The following KCNK2 variants were observed in gnomAD, a reference collection of about 807,000 sequenced individuals.
The protein encoded by KCNK2 is potassium two pore domain channel subfamily K member 2.
A neutral mutation model predicts 40.5 loss-of-function variants in KCNK2; 21 were observed. The ratio of observed to expected loss-of-function variants is 0.52; its 90% CI spans 0.37 to 0.75. The LOEUF is 0.75. Ranked by LOEUF, KCNK2 falls within the 30% of genes least tolerant of loss-of-function variation. The probability of loss-of-function intolerance (pLI) is 0.00; values close to 1 mark genes in which losing one functional copy is unlikely to be tolerated. For missense variants in KCNK2, 399 were observed against 531.6 expected (o/e 0.75, Z 2.45); for synonymous variants, 191 against 202.2 (o/e 0.94, Z 0.47).
intron 3 of KCNK2, among the ~76,000 whole-genome samples, chr1:215,138,519 G>A (rs565949526): frequency 6.6e-6 from 1 of 152,024 alleles, no homozygotes; most frequent in Non-Finnish European, 1.5e-5. Context: ...CCATCACTTC[G>A]GGAGGCCAAG....
At chr1:215,189,555 G>A (rs1412487150) in intron 5 of KCNK2, among the ~76,000 whole-genome samples, 1 of 152,156 alleles carries the variant, frequency 6.6e-6, no homozygotes, top group Non-Finnish European at 1.5e-5. Context: ...ACAGGGACAC[G>A]GACAACTTCT....
intron 3 of KCNK2, among the ~76,000 whole-genome samples, chr1:215,161,724 G>T (rs1053785828): frequency 1.3e-5 from 2 of 152,192 alleles, no homozygotes; most frequent in South Asian, 2.1e-4. Context: ...ATGGTTTCTA[G>T]CTTCATCCAT....
intron 6 of KCNK2, among the ~76,000 whole-genome samples, chr1:215,224,133 T>A (rs1306330939): frequency 1.3e-5 from 2 of 152,164 alleles, no homozygotes; most frequent in African/African-American, 4.8e-5. Context: ...CTGAGTTTTA[T>A]GGAAAACAGG....
intron 3 of KCNK2, among the ~76,000 whole-genome samples, chr1:215,127,769 T>G (rs1286559862): frequency 6.6e-6 from 1 of 152,198 alleles, no homozygotes; most frequent in East Asian, 1.9e-4. Flanking sequence ...CTGATACATA[T>G]TGGGTGCATA....
chr1:215,104,291 T>G (rs1660341853), intron 2 of KCNK2, among the ~76,000 whole-genome samples: 1 of 152,018 alleles, frequency 6.6e-6, no homozygotes, highest in Non-Finnish European at 1.5e-5. Flanking sequence ...TGACTTCTGG[T>G]TTTTCAAACT....
At chr1:215,006,469 A>T (rs1450699982) in intron 1 of KCNK2, among the ~76,000 whole-genome samples, 2 of 152,172 alleles carry the variant, frequency 1.3e-5, no homozygotes. Flanking sequence ...CGATAGTTTA[A>T]ACTAAATCTT....
chr1:215,219,767 A>G (rs990602880), intron 6 of KCNK2, among the ~76,000 whole-genome samples: 1 of 152,156 alleles, frequency 6.6e-6, no homozygotes, highest in Non-Finnish European at 1.5e-5. Flanking sequence ...ATACAGACTC[A>G]TGGGTTTCTG....
At chr1:215,068,933 A>G (rs1275977389) in intron 1 of KCNK2, among the ~76,000 whole-genome samples, 1 of 152,222 alleles carries the variant, frequency 6.6e-6, no homozygotes, top group Admixed American at 6.5e-5. Context: ...GTTTGTGGAA[A>G]AGTTTTATCA....
At chr1:215,039,727 C>T (rs1271488696) in intron 1 of KCNK2, among the ~76,000 whole-genome samples, 6 of 152,112 alleles carry the variant, frequency 3.9e-5, no homozygotes, top group Non-Finnish European at 8.8e-5. Context: ...GTGCTTTTCT[C>T]AATTCAGACT....
chr1:215,171,972 A>T, intron 4 of KCNK2, 25 bp from the exon 5 acceptor site: 1 of 1,543,314 alleles, frequency 6.5e-7, no homozygotes, highest in Non-Finnish European at 8.9e-7. Flanking sequence ...ATATATATAC[A>T]CACACCTTTC....
intron 2 of KCNK2, among the ~76,000 whole-genome samples, chr1:215,118,302 T>G (rs987213607): frequency 1.3e-5 from 2 of 152,148 alleles, no homozygotes; most frequent in African/African-American, 4.8e-5. Flanking sequence ...CTGTGTATTA[T>G]TGATGGGTGA....
intron 1 of KCNK2, among the ~76,000 whole-genome samples, chr1:215,034,749 G>A (rs1448060309): frequency 6.6e-6 from 1 of 152,062 alleles, no homozygotes; most frequent in Admixed American, 6.6e-5. Context: ...CTGTTTCATT[G>A]ATCTATTTTT....
chr1:215,125,231 T>C (rs1355653791), intron 3 of KCNK2, among the ~76,000 whole-genome samples: 1 of 152,174 alleles, frequency 6.6e-6, no homozygotes, highest in Non-Finnish European at 1.5e-5. Flanking sequence ...TTTTTTTATA[T>C]ACATTATATT....
chr1:215,008,317 G>T (rs1656258771), intron 1 of KCNK2, among the ~76,000 whole-genome samples: 1 of 151,834 alleles, frequency 6.6e-6, no homozygotes, highest in Admixed American at 6.6e-5. Flanking sequence ...TTTTTTTCTG[G>T]TTACTTGTTT....
In KCNK2 at chr1:215,152,282, T is replaced by C. The variant is rs1425914448; in HGVS notation, c.476-16917T>C. Reference sequence around the variant, plus strand: ...TAAATTATGATGGAGGTAGAGAAAATGAGACATATGGCACTACCAGAAAAT... The same window carrying C: ...TAAATTATGATGGAGGTAGAGAAAACGAGACATATGGCACTACCAGAAAAT... On this transcript the variant is annotated intron_variant, in intron 3 of 6. Coordinates refer to ENST00000444842, the MANE Select transcript of KCNK2 (RefSeq NM_001017425.3). Among the ~76,000 whole-genome samples the C allele has an allele frequency of 2.0e-5, 3 of 152,024 alleles. No homozygotes were observed. In the East Asian group the frequency reaches 5.8e-4, roughly 29 times the overall value.
intron 2 of KCNK2, among the ~76,000 whole-genome samples, chr1:215,090,731 G>A (rs1659658342): frequency 6.6e-6 from 1 of 152,022 alleles, no homozygotes; most frequent in African/African-American, 2.4e-5. Flanking sequence ...TGACTTTTTT[G>A]TTTTCTAATT....
intron 5 of KCNK2, among the ~76,000 whole-genome samples, chr1:215,177,932 A>C (rs1358931501): frequency 6.6e-6 from 1 of 151,540 alleles, no homozygotes; most frequent in East Asian, 1.9e-4. Flanking sequence ...TGGTAGCTTA[A>C]TAGAAATAGC....
intron 1 of KCNK2, among the ~76,000 whole-genome samples, chr1:215,024,931 A>G (rs1441771465): frequency 7.0e-6 from 1 of 142,232 alleles, no homozygotes; most frequent in Non-Finnish European, 1.5e-5. Context: ...TATGTTCATT[A>G]TGTATCTACA....
rs1408238668 is a variant in KCNK2 at position 215,007,173 on chromosome 1, GTATGTGTGTGGGTATATATA to G, written c.34+1222_34+1241del. On this transcript the variant is annotated intron_variant, in intron 1 of 6. Transcript: ENST00000391895. ...TATATATATGTATGTATATATATAT[GTATGTGTGTGGGTATATATA>G]TATATATATATATATATATATATAT... Among the ~76,000 whole-genome samples the G allele has an allele frequency of 8.1e-3, 619 of 76,688 alleles. 13 individuals are homozygous for G. Among genetic ancestry groups the G allele is most frequent in the South Asian group, 0.016 (39 of 2,414 alleles). 50.3% of individuals were successfully genotyped at this position (76,688 alleles called of 152,430 possible).
Sources: gnomAD v4.1 joint callset for allele counts (sites outside exome capture counted in the v4.1 genomes callset) on GRCh38, gnomAD v4.1.1 for gene constraint, MANE v1.5 for transcripts, NCBI Gene and HGNC (gene_info 2026-07-23, HGNC 2026-07-21) for gene names.